Variants in ROBO2 observed in about 807,000 individuals in gnomAD.
ROBO2 encodes roundabout homolog 2.
Under a neutral mutation model 160.8 loss-of-function variants are expected in ROBO2, and 53 were observed. That is an observed-to-expected ratio of 0.33 (90% CI 0.26 to 0.41). The LOEUF is 0.41. Among genes scored for constraint, ROBO2 ranks in the 10% least tolerant of loss-of-function variants. The pLI is 1.00. For missense variants in ROBO2, 1,577 were observed against 1,722.4 expected (o/e 0.92, Z 1.49); for synonymous variants, 664 against 611.7 (o/e 1.09, Z -1.26).
chr3:76,222,638 C>T (rs1292748459), intron 2 of ROBO2, among the ~76,000 whole-genome samples: 1 of 152,150 alleles, frequency 6.6e-6, no homozygotes, highest in African/African-American at 2.4e-5. Context: ...GCCTGACATT[C>T]CTGGTGTGTG....
At chr3:77,647,297 A>G (rs1330759280) in exon 26 of ROBO2, 1 of 152,144 alleles carries the variant, frequency 6.6e-6, no homozygotes, top group Non-Finnish European at 1.5e-5. Context: ...GCCAAATTGT[A>G]CGTGCTTAAA....
chr3:77,154,687 C>A (rs1464861024), intron 2 of ROBO2, among the ~76,000 whole-genome samples: 2 of 151,918 alleles, frequency 1.3e-5, no homozygotes, highest in Admixed American at 6.6e-5. Flanking sequence ...ATCCTATGAG[C>A]CATAAATAAA....
chr3:76,740,800 C>T (rs1031291438), intron 2 of ROBO2, among the ~76,000 whole-genome samples: 14 of 151,928 alleles, frequency 9.2e-5, no homozygotes, highest in Admixed American at 1.3e-4. Context: ...AAGATTTTTT[C>T]TTACATTTCT....
chr3:77,066,047 A>T (rs1426250603), intron 1 of ROBO2, among the ~76,000 whole-genome samples: 1 of 152,136 alleles, frequency 6.6e-6, no homozygotes, highest in East Asian at 1.9e-4. Flanking sequence ...ATGTGTATAA[A>T]AATGGCTCAG....
intron 2 of ROBO2, among the ~76,000 whole-genome samples, chr3:76,802,890 G>A (rs1002961402): frequency 1.3e-5 from 2 of 152,102 alleles, no homozygotes; most frequent in Non-Finnish European, 1.5e-5. Context: ...GAAGCCCAAG[G>A]ACAAATGGTA....
At chr3:76,072,353 C>T (rs900241653) in intron 2 of ROBO2, among the ~76,000 whole-genome samples, 4 of 151,938 alleles carry the variant, frequency 2.6e-5, no homozygotes, top group African/African-American at 9.7e-5. Flanking sequence ...TCATATTTTA[C>T]CTGCTATTTT....
intron 2 of ROBO2, among the ~76,000 whole-genome samples, chr3:76,082,097 G>A (rs549780302): frequency 6.6e-6 from 1 of 152,168 alleles, no homozygotes; most frequent in African/African-American, 2.4e-5. Context: ...CAGTCACTGA[G>A]CCGTATGCCC....
At chr3:76,690,428 C>A (rs1437889855) in intron 2 of ROBO2, among the ~76,000 whole-genome samples, 2 of 151,948 alleles carry the variant, frequency 1.3e-5, no homozygotes, top group African/African-American at 4.8e-5. Context: ...TGGCTTTATC[C>A]CCTTTCATCA....
chr3:77,030,170 T>G, intron 2 of ROBO2, among the ~76,000 whole-genome samples: 1 of 141,584 alleles, frequency 7.1e-6, no homozygotes, highest in African/African-American at 3.0e-5. Flanking sequence ...TGTCTCGATC[T>G]CCTGACCTCG....
rs563454084 is a variant in ROBO2, at chr3:76,257,877, C to A, written c.109+320275C>A. Among the ~76,000 whole-genome samples the A allele has an allele frequency of 3.2e-4, 49 of 152,216 alleles. 1 individual carries two copies. Among genetic ancestry groups the A allele is most frequent in the African/African-American group, 1.2e-3 (48 of 41,560 alleles). On this transcript the variant is annotated intron_variant, in intron 2 of 26. Transcript: ENST00000487694. The stretch of plus-strand genomic sequence containing the variant: ...GTTATGGGGTGGGGGAAAGATAGAA[C>A]AATGTGTTTGAAAGAAATTTTTCAT...
At chr3:76,938,366 C>CA (rs373676095) in intron 2 of ROBO2, among the ~76,000 whole-genome samples, 4,086 of 150,900 alleles carry the variant, frequency 0.027, 169 homozygotes, top group African/African-American at 0.094. Context: ...CCTACCCCCC[C>CA]CAAAAAAGGC....
intron 2 of ROBO2, among the ~76,000 whole-genome samples, chr3:76,340,262 A>G (rs1419311209): frequency 6.6e-6 from 1 of 152,136 alleles, no homozygotes; most frequent in Non-Finnish European, 1.5e-5. Context: ...TCATGCTGGC[A>G]AGCTGTCCTT....
chr3:75,929,914 C>T (rs1418412388), intron 1 of ROBO2, among the ~76,000 whole-genome samples: 1 of 152,090 alleles, frequency 6.6e-6, no homozygotes, highest in Middle Eastern at 3.2e-3. Context: ...AGGCTGGTCT[C>T]GAACTCCTGA....
At chr3:76,245,721 T>C (rs1180489249) in intron 2 of ROBO2, among the ~76,000 whole-genome samples, 2 of 152,172 alleles carry the variant, frequency 1.3e-5, no homozygotes, top group African/African-American at 2.4e-5. Context: ...TCAATTTATC[T>C]ATAATAAATT....
At chr3:77,555,454 A>T (rs1447841) in intron 8 of ROBO2, among the ~76,000 whole-genome samples, 84,941 of 151,760 alleles carry the variant, frequency 0.56, 23,833 homozygotes, top group Middle Eastern at 0.68. Context: ...GAATAGTGCT[A>T]TGTTGAGCAA....
chr3:76,333,129 T>G (rs2073615954), intron 2 of ROBO2, among the ~76,000 whole-genome samples: 1 of 152,196 alleles, frequency 6.6e-6, no homozygotes. Context: ...GAGTGTCATT[T>G]AAAATCATGG....
intron 2 of ROBO2, among the ~76,000 whole-genome samples, chr3:77,197,201 C>G (rs2082388662): frequency 6.6e-6 from 1 of 152,110 alleles, no homozygotes; most frequent in Admixed American, 6.5e-5. Flanking sequence ...CCTCCAAATT[C>G]CAAAGCTGAA....
At chr3:76,606,703 A>G (rs1424549653) in intron 2 of ROBO2, among the ~76,000 whole-genome samples, 1 of 151,962 alleles carries the variant, frequency 6.6e-6, no homozygotes, top group Non-Finnish European at 1.5e-5. Context: ...TTGTTTATAT[A>G]TGTTTTTTAG....
intron 2 of ROBO2, among the ~76,000 whole-genome samples, chr3:77,155,900 C>T (rs1412536228): frequency 6.6e-6 from 1 of 151,902 alleles, no homozygotes; most frequent in Non-Finnish European, 1.5e-5. Flanking sequence ...TTCTTGACCT[C>T]TTTCGTGGTC....
Sources: gnomAD v4.1 joint callset for allele counts (sites outside exome capture counted in the v4.1 genomes callset) on GRCh38, gnomAD v4.1.1 for gene constraint, MANE v1.5 for transcripts, NCBI Gene and HGNC (gene_info 2026-07-23, HGNC 2026-07-21) for gene names.